CRB1: variants seen among roughly 807,000 people sequenced by gnomAD.
The protein encoded by CRB1 is crumbs cell polarity complex component 1.
A neutral mutation model predicts 120.0 loss-of-function variants in CRB1; 83 were observed. That is an observed-to-expected ratio of 0.69 (90% confidence interval 0.58 to 0.83). The LOEUF is 0.83. CRB1 is among the 40% of genes least tolerant of loss of function. The pLI is 0.00. For synonymous variants in CRB1, 625 were observed against 612.5 expected, an observed-to-expected ratio of 1.02 and a Z score of -0.30; for missense variants, 1,699 against 1,687.6, an observed-to-expected ratio of 1.01 and a Z score of -0.12.
In CRB1 at chr1:197,471,471, C is replaced by T. The variant is rs563994192; in HGVS notation, c.4006-6193C>T. Among the ~76,000 whole-genome samples the T allele has an allele frequency of 3.9e-5, 6 of 152,258 alleles. No homozygotes were observed. In the South Asian group the frequency reaches 1.0e-3, roughly 26 times the overall value. On this transcript the variant is annotated intron_variant, in intron 11 of 11. Transcript: ENST00000367400. ...GGGCAGTGCCAAGGAGAAAATGATA[C>T]TCAGCATGCAGTGCAGATCCCTCCC...
intron 1 of CRB1, among the ~76,000 whole-genome samples, chr1:197,277,934 C>G (rs1655306837): frequency 6.6e-6 from 1 of 151,926 alleles, no homozygotes; most frequent in South Asian, 2.1e-4. Context: ...ACCAGTCACT[C>G]TACATGATCC....
At chr1:197,247,556 T>G in the CRB1 span, among the ~76,000 whole-genome samples, 2 of 152,080 alleles carry the variant, frequency 1.3e-5, no homozygotes, top group Non-Finnish European at 2.9e-5. Context: ...AGTAAGAAGG[T>G]ACAGAATACT....
At chr1:197,384,093 A>G (rs901699454) in intron 5 of CRB1, among the ~76,000 whole-genome samples, 4 of 152,150 alleles carry the variant, frequency 2.6e-5, no homozygotes, top group African/African-American at 9.7e-5. Context: ...AAGTTAGAAA[A>G]TTTCCAATAA....
intron 6 of CRB1, 138 bp downstream of exon 6, chr1:197,422,094 T>C (rs1664366410): frequency 1.3e-6 from 1 of 761,374 alleles, no homozygotes; most frequent in African/African-American, 1.7e-5. Flanking sequence ...TGCCCACTGA[T>C]GAGAAAGAAA....
rs538356779 is a variant in CRB1, at chr1:197,292,212, G to A, written c.70+23730G>A. Among the ~76,000 whole-genome samples the A allele has an allele frequency of 7.2e-5, 11 of 151,960 alleles. No individual in the cohort carries two copies. In the South Asian group the frequency reaches 1.2e-3, roughly 17 times the overall value. On this transcript the variant is annotated intron_variant, in intron 1 of 11. Coordinates refer to ENST00000367400, the MANE Select transcript of CRB1 (RefSeq NM_201253.3). ...GAAAAGAGAGAAAAATCAAATGGAC[G>A]CAATAAAAAATGATAAAGGGGATAT...
intron 5 of CRB1, among the ~76,000 whole-genome samples, chr1:197,406,996 C>A (rs921890836): frequency 1.3e-5 from 2 of 152,182 alleles, no homozygotes; most frequent in African/African-American, 4.8e-5. Context: ...ATTGCTGGGA[C>A]ATTTGACCTC....
At chr1:197,474,768 C>T (rs182466932) in intron 11 of CRB1, among the ~76,000 whole-genome samples, 87 of 152,234 alleles carry the variant, frequency 5.7e-4, no homozygotes, top group Admixed American at 3.7e-3. Context: ...CCAGGAGAAC[C>T]GCCATTTACT....
chr1:197,365,531 G>A (rs1418863070), intron 5 of CRB1, among the ~76,000 whole-genome samples: 2 of 152,044 alleles, frequency 1.3e-5, no homozygotes, highest in Admixed American at 6.5e-5. Context: ...AGCAACAGAG[G>A]AGGTAAGCTC....
At chr1:197,316,916 A>AC (rs1239977366) in intron 1 of CRB1, among the ~76,000 whole-genome samples, 8 of 149,468 alleles carry the variant, frequency 5.4e-5, no homozygotes, top group Non-Finnish European at 1.2e-4. Context: ...GCTACAAAAA[A>AC]AAAAAACAAA....
chr1:197,244,849 G>T, the CRB1 span, among the ~76,000 whole-genome samples: 1 of 151,698 alleles, frequency 6.6e-6, no homozygotes, highest in Non-Finnish European at 1.5e-5. Flanking sequence ...CTTATGCTTA[G>T]TGTATTTTTT....
At chr1:197,332,840 A>T (rs188962740) in intron 2 of CRB1, among the ~76,000 whole-genome samples, 150 of 152,282 alleles carry the variant, frequency 9.9e-4, no homozygotes, top group Non-Finnish European at 4.6e-4. Flanking sequence ...TGTTTATTTC[A>T]TTGCTATCCC....
chr1:197,420,210 T>A (rs1664229175), intron 5 of CRB1, among the ~76,000 whole-genome samples: 1 of 152,216 alleles, frequency 6.6e-6, no homozygotes, highest in Non-Finnish European at 1.5e-5. Context: ...CTGTTCTTAT[T>A]GTTACTCTTT....
intron 1 of CRB1, among the ~76,000 whole-genome samples, chr1:197,271,263 A>G (rs1033012717): frequency 2.6e-5 from 4 of 152,206 alleles, no homozygotes; most frequent in Non-Finnish European, 5.9e-5. Context: ...GAAGGAATCA[A>G]TGATTCTTTC....
At chr1:197,356,002 A>G (rs1660461200) in intron 4 of CRB1, among the ~76,000 whole-genome samples, 1 of 152,222 alleles carries the variant, frequency 6.6e-6, no homozygotes, top group South Asian at 2.1e-4. Context: ...ATGTACATAA[A>G]ACAAAGGTTA....
upstream of CRB1, among the ~76,000 whole-genome samples, chr1:197,265,713 G>A (rs1354186051): frequency 6.6e-6 from 1 of 152,008 alleles, no homozygotes; most frequent in African/African-American, 2.4e-5. Context: ...TTTTCATGTT[G>A]CCTTAATCTC....
Position 197,455,392 on chromosome 1 carries a change from C to T in CRB1, c.4005+13100C>T, listed in dbSNP as rs149686251. On this transcript the variant is annotated intron_variant, in intron 11 of 11. Coordinates refer to ENST00000367400, the MANE Select transcript of CRB1 (RefSeq NM_201253.3). ...GGAGAACTTTTGGCATCAGTTCCAT[C>T]TATGAAAAATAGAGCTGTCAACCAA... Among the ~76,000 whole-genome samples, 58 of 152,258 alleles carry T rather than the reference C, an allele frequency of 3.8e-4. No individual in the cohort carries two copies. In the South Asian group the frequency reaches 3.9e-3, roughly 10 times the overall value.
intron 11 of CRB1, among the ~76,000 whole-genome samples, chr1:197,464,288 A>G (rs1198308419): frequency 6.6e-6 from 1 of 152,142 alleles, no homozygotes; most frequent in Admixed American, 6.6e-5. Context: ...ATGACCCTGA[A>G]AAGAACATGA....
intron 1 of CRB1, among the ~76,000 whole-genome samples, chr1:197,283,774 A>C (rs2125224492): frequency 6.6e-6 from 1 of 151,632 alleles, no homozygotes; most frequent in South Asian, 2.1e-4. Context: ...AAGTAGGCCA[A>C]AAATCTTCAA....
At chr1:197,355,658 C>A (rs1203048248) in intron 4 of CRB1, among the ~76,000 whole-genome samples, 1 of 151,922 alleles carries the variant, frequency 6.6e-6, no homozygotes. Context: ...CCCTCAATGC[C>A]GTGGGCAGCG....
Sources: gnomAD v4.1 joint callset for allele counts (sites outside exome capture counted in the v4.1 genomes callset) on GRCh38, gnomAD v4.1.1 for gene constraint, MANE v1.5 for transcripts, NCBI Gene and HGNC (gene_info 2026-07-23, HGNC 2026-07-21) for gene names.